The following MORN2 variants were observed in gnomAD, a reference collection of about 807,000 sequenced individuals.
MORN2 encodes MORN repeat containing 2.
A neutral mutation model predicts 13.4 loss-of-function variants in MORN2; 15 were observed. The observed-to-expected ratio is 1.12, with a 90% CI of 0.75 to 1.72. The LOEUF (loss-of-function observed/expected upper bound fraction) is 1.72. Ranked by LOEUF, MORN2 falls within the 40% of genes most tolerant of loss-of-function variation. MORN2 has a pLI of 0.00. For missense variants in MORN2, 168 were observed against 134.6 expected (o/e 1.25, Z -1.23); for synonymous variants, 46 against 43.6 (o/e 1.06, Z -0.22).
intron 1 of MORN2, among the ~76,000 whole-genome samples, chr2:38,878,027 C>T (rs373764026): frequency 1.7e-3 from 257 of 152,214 alleles, no homozygotes; most frequent in Non-Finnish European, 3.0e-3. Context: ...AACTCCTAGG[C>T]TCAAGCAACC....
rs1317998144 is a variant in MORN2 at position 38,882,451 on chromosome 2, T to C, written c.392T>C (p.Leu131Pro). The C allele has an allele frequency of 1.3e-6, 2 of 1,551,004 alleles. No homozygotes were observed. Among genetic ancestry groups the C allele is most frequent in the Non-Finnish European group, 1.7e-6 (2 of 1,146,538 alleles). The change falls in exon 5 of 5, where the codon CTA (leucine) becomes CCA (proline). Residue 131 changes from leucine (L) to proline (P), a missense_variant. Coordinates refer to ENST00000644631, the MANE Select transcript of MORN2 (RefSeq NM_001145450.3). ...GGGGAATATACTGATATCCAAGGACTAGAATGGAGTGGTAACTTTCATTTT... is the reference window on the plus strand; with the variant it reads ...GGGGAATATACTGATATCCAAGGACCAGAATGGAGTGGTAACTTTCATTTT...
intron 3 of MORN2, 135 bp downstream of exon 3, chr2:38,880,841 C>T: frequency 2.1e-6 from 2 of 952,500 alleles, no homozygotes; most frequent in Non-Finnish European, 2.9e-6. Context: ...ATCATATTAA[C>T]ATATATTAAC....
intron 1 of MORN2, 121 bp downstream of exon 1, chr2:38,876,231 CG>C (rs1558414921): frequency 2.5e-6 from 1 of 396,928 alleles, no homozygotes; most frequent in East Asian, 3.6e-5. Context: ...ATTTCCTGAC[CG>C]TCTAGCCGAG....
chr2:38,881,717 C>T (rs937370963), intron 4 of MORN2, 139 bp downstream of exon 4: 2 of 660,040 alleles, frequency 3.0e-6, no homozygotes, highest in African/African-American at 3.9e-5. Flanking sequence ...GTGGAGTGAT[C>T]TCGGCTCACT....
chr2:38,882,152 C>T (rs566811932), intron 4 of MORN2, among the ~76,000 whole-genome samples: 2 of 150,634 alleles, frequency 1.3e-5, no homozygotes, highest in South Asian at 2.1e-4. Flanking sequence ...TTTGTGTGAA[C>T]CTAGATTATG....
Position 38,882,427 on chromosome 2 carries a change from G to A in MORN2, c.368G>A (p.Gly123Glu), listed in dbSNP as rs775608508. Reference sequence around the variant, plus strand: ...TACTATTGCAGGGTGGAAGGTGAAGGGGAATATACTGATATCCAAGGACTA... The same window carrying A: ...TACTATTGCAGGGTGGAAGGTGAAGAGGAATATACTGATATCCAAGGACTA... The change falls in exon 5 of 5, where the codon GGG becomes GAG. Residue 123 changes from glycine to glutamate, a missense_variant. By Grantham distance (98) the Gly-to-Glu change is moderately conservative. Coordinates refer to ENST00000644631, the MANE Select transcript of MORN2 (RefSeq NM_001145450.3). 9.4e-5 allele frequency: 146 copies of A among 1,547,568 alleles called. No homozygotes were observed. The highest frequency in any genetic ancestry group is 1.2e-4 in the Non-Finnish European group (143 of 1,144,228).
At chr2:38,877,194 A>G (rs994111331) in intron 1 of MORN2, among the ~76,000 whole-genome samples, 1 of 152,168 alleles carries the variant, frequency 6.6e-6, no homozygotes, top group Non-Finnish European at 1.5e-5. Flanking sequence ...TGAACCCGGG[A>G]GGCGGAGGTT....
chr2:38,882,508 A>C lies in MORN2; in HGVS notation c.449A>C (p.His150Pro). ...GCTCCAGACCTGAAATTAAAGCTTC[A>C]CATGTAGATGTGATGTTAAATTAAA... Residue 150 changes from histidine to proline, a missense_variant, in exon 5 of 5, where the codon CAC (histidine) becomes CCC (proline). His to Pro is a moderately conservative substitution (Grantham distance 77, BLOSUM62 -2). Transcript: ENST00000644631. 1 of 1,548,038 alleles carries C rather than the reference A, an allele frequency of 6.5e-7. No individual in the cohort carries two copies. The highest frequency in any genetic ancestry group is 8.7e-7 in the Non-Finnish European group (1 of 1,144,094).
intron 2 of MORN2, 59 bp from the exon 3 acceptor site, chr2:38,880,541 G>C (rs1175224631): frequency 8.7e-7 from 1 of 1,149,846 alleles, no homozygotes; most frequent in Non-Finnish European, 1.2e-6. Flanking sequence ...GTGTAGTTGC[G>C]ATTAGGCCCA....
Position 38,882,543 on chromosome 2 carries a change from T to C in MORN2, c.*28T>C. 1.3e-6 allele frequency: 2 copies of C among 1,481,732 alleles called. No individual in the cohort carries two copies. The highest frequency in any genetic ancestry group is 1.8e-6 in the Non-Finnish European group (2 of 1,084,950). 91.8% of individuals were successfully genotyped at this position (1,481,732 alleles called of 1,614,324 possible). ...GTGATGTTAAATTAAAGTTGAAATG[T>C]AGTAATTGAAGCTTTTAGTTGTAAG... On this transcript the variant is annotated 3_prime_UTR_variant, in exon 5 of 5. Transcript: ENST00000644631.
intron 1 of MORN2, among the ~76,000 whole-genome samples, chr2:38,878,892 G>C (rs963315919): frequency 2.6e-5 from 4 of 152,186 alleles, no homozygotes; most frequent in Non-Finnish European, 5.9e-5. Flanking sequence ...CACCCGTAAA[G>C]ACTGATTCAG....
rs1205900167 is a variant in MORN2 at position 38,880,236 on chromosome 2, A to T, written c.109+7A>T. 2.5e-6 allele frequency: 1 copy of T among 399,424 alleles called. No individual in the cohort carries two copies. The highest frequency in any genetic ancestry group is 2.1e-5 in the African/African-American group (1 of 48,654). The allele number at this position is 399,424 out of a possible 1,614,324, so 24.7% of individuals were successfully genotyped here. Reference sequence around the variant, plus strand: ...CCAAATGGAGACAAGTATGGTAAGTATACGCTTCAATTACTTTTTCTGTAT... The same window carrying T: ...CCAAATGGAGACAAGTATGGTAAGTTTACGCTTCAATTACTTTTTCTGTAT... On this transcript the variant is annotated splice_region_variant and intron_variant, in intron 2 of 4. Transcript: ENST00000644631.
chr2:38,882,293 A>G (rs1234468309), intron 4 of MORN2, 120 bp from the exon 5 acceptor site: 1 of 437,966 alleles, frequency 2.3e-6, no homozygotes, highest in Non-Finnish European at 3.8e-6. Flanking sequence ...GTTTAAAAGC[A>G]AAGCTTGAAA....
In MORN2 at chr2:38,882,434, T is replaced by C. The variant is rs1459789377; in HGVS notation, c.375T>C (p.Tyr125=). 6 of 1,550,122 alleles carry C rather than the reference T, an allele frequency of 3.9e-6. No homozygotes were observed. The highest frequency in any genetic ancestry group is 8.7e-7 in the Non-Finnish European group (1 of 1,145,908). ...GCAGGGTGGAAGGTGAAGGGGAATATACTGATATCCAAGGACTAGAATGGA... is the reference window on the plus strand; with the variant it reads ...GCAGGGTGGAAGGTGAAGGGGAATACACTGATATCCAAGGACTAGAATGGA... Residue 125 remains tyrosine, a synonymous_variant, in exon 5 of 5, where the codon TAT becomes TAC. Transcript: ENST00000644631.
At chr2:38,879,698 T>A (rs1665733412) in intron 1 of MORN2, among the ~76,000 whole-genome samples, 1 of 152,142 alleles carries the variant, frequency 6.6e-6, no homozygotes, top group Non-Finnish European at 1.5e-5. Context: ...AGTTTCTTTC[T>A]GGGATGATTA....
chr2:38,882,221 T>A (rs903593565), intron 4 of MORN2, among the ~76,000 whole-genome samples, 192 bp from the exon 5 acceptor site: 1 of 127,290 alleles, frequency 7.9e-6, no homozygotes, highest in African/African-American at 3.0e-5. Flanking sequence ...TAGTATGTGG[T>A]TTTTTTTTTT....
rs1259678428 is a variant in MORN2, at chr2:38,876,068, G to C, written c.16G>C (p.Glu6Gln). The C allele has an allele frequency of 7.5e-6, 3 of 398,774 alleles. No homozygotes were observed. The highest frequency in any genetic ancestry group is 1.3e-5 in the Non-Finnish European group (3 of 226,178). 24.7% of individuals were successfully genotyped at this position (398,774 alleles called of 1,614,324 possible). ...GGCCGCAGAGCTGGCCGCCCAGGGG[G>C]AGTCGCAGAGTTTGGAAGATCTCTC... Residue 6 changes from glutamate (E) to glutamine (Q), a missense_variant, in exon 1 of 5, where the codon GAG (glutamate) becomes CAG (glutamine). Glu to Gln is a conservative substitution (Grantham distance 29). Coordinates refer to ENST00000644631, the MANE Select transcript of MORN2 (RefSeq NM_001145450.3).
intron 1 of MORN2, among the ~76,000 whole-genome samples, chr2:38,877,261 G>A (rs868028977): frequency 3.3e-5 from 5 of 151,590 alleles, no homozygotes; most frequent in Admixed American, 2.6e-4. Flanking sequence ...GCGAGACTCC[G>A]TCTCAAAAAT....
intron 1 of MORN2, among the ~76,000 whole-genome samples, chr2:38,878,197 T>C (rs1176840861): frequency 6.6e-6 from 1 of 152,242 alleles, no homozygotes; most frequent in Non-Finnish European, 1.5e-5. Context: ...AAAGACATAG[T>C]GCCATTTTTT....
Sources: gnomAD v4.1 joint callset for allele counts (sites outside exome capture counted in the v4.1 genomes callset) on GRCh38, gnomAD v4.1.1 for gene constraint, MANE v1.5 for transcripts, NCBI Gene and HGNC (gene_info 2026-07-23, HGNC 2026-07-21) for gene names.